WDFY4: variants seen among roughly 807,000 people sequenced by gnomAD.
WDFY4 encodes WDFY family member 4.
In WDFY4, 169 loss-of-function variants were observed where a neutral mutation model predicts 351.9. That is an observed-to-expected ratio of 0.48 (90% CI 0.42 to 0.55). WDFY4 has a LOEUF of 0.55. Among genes scored for constraint, WDFY4 ranks in the 20% least tolerant of loss-of-function variants. The probability of loss-of-function intolerance (pLI) is 0.00; values close to 1 mark genes in which losing one functional copy is unlikely to be tolerated. For synonymous variants in WDFY4, 1,622 were observed against 1,574.6 expected (o/e 1.03, Z -0.71); for missense variants, 3,803 against 3,935.6 (o/e 0.97, Z 0.90).
intron 51 of WDFY4, among the ~76,000 whole-genome samples, chr10:48,948,969 T>C (rs1431917183): frequency 1.3e-5 from 2 of 152,250 alleles, no homozygotes; most frequent in Non-Finnish European, 2.9e-5. Flanking sequence ...ACTTTGAAGC[T>C]AATCACTGGT....
intron 1 of WDFY4, among the ~76,000 whole-genome samples, chr10:48,693,746 C>T (rs2063257756): frequency 6.6e-6 from 1 of 151,022 alleles, no homozygotes; most frequent in Non-Finnish European, 1.5e-5. Context: ...CTTCTAGTGG[C>T]TAGCAGTATA....
chr10:48,929,092 G>C (rs1373627822), intron 47 of WDFY4, among the ~76,000 whole-genome samples: 1 of 152,172 alleles, frequency 6.6e-6, no homozygotes, highest in East Asian at 1.9e-4. Context: ...AGGCCAGGAG[G>C]GCCATCTTTG....
chr10:48,719,842 G>A (rs2064021866), intron 2 of WDFY4, among the ~76,000 whole-genome samples, 169 bp from the exon 3 acceptor site: 1 of 152,216 alleles, frequency 6.6e-6, no homozygotes, highest in Admixed American at 6.5e-5. Context: ...CGTTGGTATA[G>A]GGATGATGGT....
chr10:48,905,951 C>T (rs945612351), intron 47 of WDFY4, among the ~76,000 whole-genome samples: 16 of 152,234 alleles, frequency 1.1e-4, no homozygotes, highest in Admixed American at 1.3e-4. Context: ...CCCTTTCCAG[C>T]CCTTCTCTTG....
intron 8 of WDFY4, 57 bp downstream of exon 8, chr10:48,729,646 C>A: frequency 1.3e-6 from 2 of 1,532,776 alleles, no homozygotes; most frequent in Admixed American, 2.0e-5. Context: ...CCTGAGAAGG[C>A]TACAGAGGGT....
At chr10:48,688,696 G>A (rs1049426182) in intron 1 of WDFY4, among the ~76,000 whole-genome samples, 1 of 152,202 alleles carries the variant, frequency 6.6e-6, no homozygotes, top group Non-Finnish European at 1.5e-5. Flanking sequence ...AAGACTATCA[G>A]TTCAGAGGCT....
chr10:48,860,541 C>T (rs931161971), intron 39 of WDFY4, among the ~76,000 whole-genome samples: 2 of 152,210 alleles, frequency 1.3e-5, no homozygotes, highest in African/African-American at 2.4e-5. Context: ...CTAATCACTT[C>T]CCAAATGTCC....
chr10:48,908,891 C>G (rs1157765971), intron 47 of WDFY4, among the ~76,000 whole-genome samples: 1 of 152,196 alleles, frequency 6.6e-6, no homozygotes, highest in Non-Finnish European at 1.5e-5. Context: ...CTCTGTGCTA[C>G]CACTTTATAG....
intron 19 of WDFY4, among the ~76,000 whole-genome samples, chr10:48,781,514 T>G (rs1462884669): frequency 6.6e-6 from 1 of 152,128 alleles, no homozygotes; most frequent in African/African-American, 2.4e-5. Flanking sequence ...CAGGCTGGTC[T>G]GAAACTCCTG....
chr10:48,696,203 G>A (rs1372198579), intron 1 of WDFY4, among the ~76,000 whole-genome samples: 1 of 152,336 alleles, frequency 6.6e-6, no homozygotes, highest in Non-Finnish European at 1.5e-5. Flanking sequence ...GACACTCGCT[G>A]ACTGGTGATG....
At position 48,974,978 on chromosome 10, in the gene WDFY4, C is replaced by T; in HGVS notation, c.9045C>T (p.Thr3015=). ...TCILWDLDHL[T]HVTRLPAHRE... The stretch of plus-strand genomic sequence containing the variant: ...TCCTGTGGGATCTGGACCACCTCAC[C>T]CACGTGACCCGCCTGCCCGCCCATC... Residue 3015 remains threonine, a synonymous_variant, in exon 58 of 62, where the codon ACC becomes ACT. Transcript: ENST00000325239. 1.3e-6 allele frequency: 2 copies of T among 1,551,706 alleles called. No homozygotes were observed. Among genetic ancestry groups the T allele is most frequent in the South Asian group, 1.2e-5 (1 of 84,058 alleles).
chr10:48,709,616 A>C, intron 1 of WDFY4, 100 bp from the exon 2 acceptor site: 1 of 1,031,856 alleles, frequency 9.7e-7, no homozygotes, highest in Non-Finnish European at 1.4e-6. Flanking sequence ...AACCATTTTC[A>C]ATAGAAACTG....
rs1776392125 is a variant in WDFY4 at position 48,723,590 on chromosome 10, A to G, written c.591+23A>G. 6 of 1,551,134 alleles carry G rather than the reference A, an allele frequency of 3.9e-6. 1 individual carries two copies. In the South Asian group the frequency reaches 4.8e-5, roughly 12 times the overall value. On this transcript the variant is annotated intron_variant, in intron 5 of 61. Transcript: ENST00000325239. ...CAGGTGAGTTCAAGGAGGGCCTCCA[A>G]TTCCCTGGGTCAAAACCTCACTTCG...
chr10:48,853,456 A>G (rs564277767), intron 39 of WDFY4, among the ~76,000 whole-genome samples: 1 of 152,310 alleles, frequency 6.6e-6, no homozygotes, highest in African/African-American at 2.4e-5. Context: ...GCAATCAACA[A>G]TTCCTACCAA....
intron 44 of WDFY4, among the ~76,000 whole-genome samples, chr10:48,896,445 A>T (rs1279839872): frequency 6.6e-6 from 1 of 152,178 alleles, no homozygotes; most frequent in Non-Finnish European, 1.5e-5. Context: ...TCAGGGAGAC[A>T]GGCCAAGGGT....
chr10:48,790,044 C>T, intron 22 of WDFY4, 59 bp downstream of exon 22: 1 of 1,494,170 alleles, frequency 6.7e-7, no homozygotes, highest in South Asian at 1.2e-5. Context: ...GCTGTCATGG[C>T]TTGTGCACCC....
In WDFY4 at chr10:48,969,221, C is replaced by T; in HGVS notation, c.8742C>T (p.Cys2914=). 8 of 1,551,498 alleles carry T rather than the reference C, an allele frequency of 5.2e-6. No homozygotes were observed. The highest frequency in any genetic ancestry group is 7.0e-6 in the Non-Finnish European group (8 of 1,146,928). ...GCTGGGGCTTTGATGACTTCAGCTG[C>T]TGCTTGGGGAGCTACGGCTCCGACA... ...TFSWGFDDFS[C]CLGSYGSDKV... The change falls in exon 56 of 62, where the codon TGC becomes TGT. Residue 2914 remains cysteine (C), a synonymous_variant. Transcript: ENST00000325239.
intron 28 of WDFY4, among the ~76,000 whole-genome samples, chr10:48,808,731 G>T (rs988399644): frequency 3.3e-5 from 5 of 152,348 alleles, no homozygotes; most frequent in African/African-American, 9.6e-5. Context: ...TGGTAGAACT[G>T]GAAGATGCCT....
intron 13 of WDFY4, among the ~76,000 whole-genome samples, chr10:48,772,043 A>G (rs986686924): frequency 2.6e-5 from 4 of 152,150 alleles, no homozygotes; most frequent in African/African-American, 9.7e-5. Context: ...CTTTCTTGAA[A>G]CTACAAACTG....
Sources: allele counts gnomAD v4.1 joint callset (sites outside exome capture counted in the v4.1 genomes callset), GRCh38; gene constraint gnomAD v4.1.1; transcripts MANE v1.5; gene names NCBI Gene and HGNC (gene_info 2026-07-23, HGNC 2026-07-21).